Variants in SLIT2 observed in about 807,000 individuals in gnomAD.
SLIT2 encodes slit homolog 2 protein.
Under a neutral mutation model 185.7 loss-of-function variants are expected in SLIT2, and 41 were observed. The ratio of observed to expected loss-of-function variants is 0.22; its 90% CI spans 0.17 to 0.29. The LOEUF (loss-of-function observed/expected upper bound fraction) is 0.29, where lower values mean the gene tolerates loss of function less well. Among genes scored for constraint, SLIT2 ranks in the 10% least tolerant of loss-of-function variants. SLIT2 has a pLI of 1.00. For synonymous variants in SLIT2, 693 were observed against 680.2 expected, an observed-to-expected ratio of 1.02 and a Z score of -0.29; for missense variants, 1,571 against 1,909.0, an observed-to-expected ratio of 0.82 and a Z score of 3.30.
intron 4 of SLIT2, among the ~76,000 whole-genome samples, chr4:20,402,096 C>G (rs1211958686): frequency 6.6e-6 from 1 of 151,674 alleles, no homozygotes; most frequent in African/African-American, 2.4e-5. Flanking sequence ...AACAGGTATC[C>G]TAAAGGTAAC....
chr4:20,601,514 A>G (rs1217703199), intron 33 of SLIT2, among the ~76,000 whole-genome samples: 1 of 152,236 alleles, frequency 6.6e-6, no homozygotes, highest in Non-Finnish European at 1.5e-5. Context: ...TTTCATTGAA[A>G]GGCATGACAG....
chr4:20,432,898 G>A (rs1729095614), intron 4 of SLIT2, among the ~76,000 whole-genome samples: 1 of 152,132 alleles, frequency 6.6e-6, no homozygotes, highest in Non-Finnish European at 1.5e-5. Context: ...TTTCACTGCG[G>A]TAGAATATGC....
At chr4:20,365,927 T>A (rs1577508926) in intron 4 of SLIT2, among the ~76,000 whole-genome samples, 1 of 152,172 alleles carries the variant, frequency 6.6e-6, no homozygotes, top group Non-Finnish European at 1.5e-5. Context: ...TTTATGTAGC[T>A]GTGTCTTAAC....
intron 16 of SLIT2, 32 bp from the exon 17 acceptor site, chr4:20,531,952 T>G (rs1189897826): frequency 7.6e-7 from 1 of 1,311,730 alleles, no homozygotes; most frequent in East Asian, 2.4e-5. Context: ...CTATTGGTAA[T>G]AAAACTTCTC....
rs571879384 is a variant in SLIT2 at position 20,305,174 on chromosome 4, C to CT, written c.395+36298dup. On this transcript the variant is annotated intron_variant, in intron 4 of 36. Coordinates refer to ENST00000504154, the MANE Select transcript of SLIT2 (RefSeq NM_004787.4). ...ACTGGTAACTCTCCATGTGGCTCTG[C>CT]TTTTTATTTTTGCTTTTGGTTATCA... Among the ~76,000 whole-genome samples the CT allele has an allele frequency of 2.5e-3, 375 of 152,264 alleles. 1 individual carries two copies. Among genetic ancestry groups the CT allele is most frequent in the Admixed American group, 4.1e-3 (62 of 15,292 alleles).
chr4:20,534,511 CA>C (rs769158012), intron 18 of SLIT2, among the ~76,000 whole-genome samples: 9 of 152,156 alleles, frequency 5.9e-5, no homozygotes, highest in Non-Finnish European at 5.9e-5. Flanking sequence ...CATATACACA[CA>C]TATACATTGT....
intron 30 of SLIT2, among the ~76,000 whole-genome samples, chr4:20,593,737 C>A (rs537083703): frequency 1.3e-5 from 2 of 152,112 alleles, no homozygotes; most frequent in South Asian, 4.1e-4. Flanking sequence ...CCATGTACAT[C>A]TTTAAAATAT....
intron 4 of SLIT2, among the ~76,000 whole-genome samples, chr4:20,391,252 A>G (rs1725390775): frequency 6.6e-6 from 1 of 152,088 alleles, no homozygotes; most frequent in African/African-American, 2.4e-5. Flanking sequence ...AAAGTGCATC[A>G]GCCACAATGC....
chr4:20,468,467 T>C (rs1714604453), intron 5 of SLIT2, among the ~76,000 whole-genome samples: 1 of 152,032 alleles, frequency 6.6e-6, no homozygotes, highest in Admixed American at 6.6e-5. Flanking sequence ...TAGCATCCTT[T>C]AAAAAAATGA....
rs139759374 is a variant in SLIT2 at position 20,324,210 on chromosome 4, T to G, written c.395+55329T>G. Among the ~76,000 whole-genome samples the G allele has an allele frequency of 2.4e-4, 36 of 152,226 alleles. 1 individual carries two copies. The East Asian group carries it at 6.8e-3, about 29-fold the overall frequency. On this transcript the variant is annotated intron_variant, in intron 4 of 36. Transcript: ENST00000504154. ...TCCTTGCGATAGAGTCTTTGGAGCC[T>G]GGGCATGACACAACCAGCTTGCTAT...
intron 30 of SLIT2, among the ~76,000 whole-genome samples, chr4:20,590,703 ATTTC>A (rs1727450453): frequency 6.6e-6 from 1 of 152,130 alleles, no homozygotes; most frequent in Admixed American, 6.5e-5. Flanking sequence ...AAATTACGTG[ATTTC>A]TTTGCCACCA....
chr4:20,454,554 A>G (rs1003936336), intron 4 of SLIT2, among the ~76,000 whole-genome samples: 3 of 152,176 alleles, frequency 2.0e-5, no homozygotes, highest in Non-Finnish European at 2.9e-5. Flanking sequence ...AAAGTACTCC[A>G]TGGAAGTACA....
chr4:20,533,520 C>T (rs1721986870), intron 17 of SLIT2, 52 bp from the exon 18 acceptor site: 1 of 1,390,982 alleles, frequency 7.2e-7, no homozygotes, highest in Non-Finnish European at 1.0e-6. Flanking sequence ...TGTTTCAATT[C>T]CCACCTTGTT....
intron 4 of SLIT2, among the ~76,000 whole-genome samples, chr4:20,458,700 G>C (rs1713362689): frequency 6.6e-6 from 1 of 152,170 alleles, no homozygotes; most frequent in Non-Finnish European, 1.5e-5. Flanking sequence ...GGATAGCAGT[G>C]CTTCAGAATA....
chr4:20,296,200 A>T (rs1372955252), intron 4 of SLIT2, among the ~76,000 whole-genome samples: 1 of 152,258 alleles, frequency 6.6e-6, no homozygotes, highest in East Asian at 1.9e-4. Context: ...TAGTTAACTT[A>T]CTGCTTATTT....
chr4:20,359,041 C>T (rs1378821925), intron 4 of SLIT2, among the ~76,000 whole-genome samples: 1 of 152,062 alleles, frequency 6.6e-6, no homozygotes, highest in Admixed American at 6.6e-5. Flanking sequence ...TCGTTTCTTG[C>T]CAAGCCCACA....
At chr4:20,496,612 A>G (rs959168973) in intron 9 of SLIT2, among the ~76,000 whole-genome samples, 1 of 152,142 alleles carries the variant, frequency 6.6e-6, no homozygotes, top group African/African-American at 2.4e-5. Flanking sequence ...GTCCCTAATT[A>G]TCGTATTTTG....
chr4:20,403,969 A>G (rs1272710318), intron 4 of SLIT2, among the ~76,000 whole-genome samples: 2 of 151,898 alleles, frequency 1.3e-5, no homozygotes, highest in Non-Finnish European at 1.5e-5. Flanking sequence ...TGGGCCGCAT[A>G]CAAACATGAA....
chr4:20,492,723 A>G (rs1016094016), intron 9 of SLIT2, among the ~76,000 whole-genome samples: 2 of 152,214 alleles, frequency 1.3e-5, no homozygotes, highest in African/African-American at 4.8e-5. Flanking sequence ...TTTGGTTGAA[A>G]TAATAGGAAC....
Sources: allele counts gnomAD v4.1 joint callset (sites outside exome capture counted in the v4.1 genomes callset), GRCh38; gene constraint gnomAD v4.1.1; transcripts MANE v1.5; gene names NCBI Gene and HGNC (gene_info 2026-07-23, HGNC 2026-07-21).